The following DPP10 variants were observed in gnomAD, a reference collection of about 807,000 sequenced individuals.
DPP10 encodes inactive dipeptidyl peptidase 10.
A neutral mutation model predicts 120.9 loss-of-function variants in DPP10; 33 were observed. The observed-to-expected ratio is 0.27, with a 90% CI of 0.21 to 0.37. The LOEUF is 0.37. DPP10 is among the 10% of genes least tolerant of loss of function. DPP10 has a pLI of 1.00. For synonymous variants in DPP10, 337 were observed against 326.1 expected (o/e 1.03, Z -0.36); for missense variants, 816 against 942.8 (o/e 0.87, Z 1.76).
chr2:115,776,281 C>T (rs551281448), intron 13 of DPP10, among the ~76,000 whole-genome samples: 2 of 152,204 alleles, frequency 1.3e-5, no homozygotes, highest in South Asian at 2.1e-4. Context: ...AGGTATTTCT[C>T]CTAATGCTAT....
At chr2:115,727,976 A>ATAT (rs1559080904) in intron 8 of DPP10, 40 bp downstream of exon 8, 1 of 1,578,584 alleles carries the variant, frequency 6.3e-7, no homozygotes, top group Non-Finnish European at 8.6e-7. Context: ...AACAAATGAC[A>ATAT]TATTTTTATA....
chr2:114,715,632 G>T (rs1177884153), intron 1 of DPP10, among the ~76,000 whole-genome samples: 1 of 151,840 alleles, frequency 6.6e-6, no homozygotes, highest in Non-Finnish European at 1.5e-5. Context: ...TTTATTATTA[G>T]AATAAAGCTA....
intron 1 of DPP10, among the ~76,000 whole-genome samples, chr2:114,714,522 A>G (rs1266456237): frequency 6.6e-6 from 1 of 152,130 alleles, no homozygotes; most frequent in African/African-American, 2.4e-5. Flanking sequence ...ATGGCTCTAA[A>G]CGGAGAAAAG....
intron 1 of DPP10, among the ~76,000 whole-genome samples, chr2:114,696,451 A>T (rs1700072965): frequency 2.0e-5 from 3 of 152,168 alleles, no homozygotes; most frequent in Admixed American, 6.5e-5. Context: ...CACACCTTCC[A>T]TCCGTAAAGA....
intron 3 of DPP10, among the ~76,000 whole-genome samples, chr2:115,467,399 A>G (rs1448519351): frequency 2.0e-5 from 3 of 152,040 alleles, no homozygotes; most frequent in Non-Finnish European, 2.9e-5. Flanking sequence ...CAATATGGTG[A>G]AACCCCATCT....
At chr2:115,410,512 A>G (rs1310133363) in intron 3 of DPP10, among the ~76,000 whole-genome samples, 1 of 152,184 alleles carries the variant, frequency 6.6e-6, no homozygotes, top group Non-Finnish European at 1.5e-5. Flanking sequence ...AAGAACACCT[A>G]ATGGATGTTG....
intron 1 of DPP10, among the ~76,000 whole-genome samples, chr2:114,445,366 A>G (rs1558766229): frequency 6.6e-6 from 1 of 152,196 alleles, no homozygotes; most frequent in Non-Finnish European, 1.5e-5. Flanking sequence ...AGCTCAGTGT[A>G]ATAACCTCTA....
chr2:115,092,440 G>A (rs989060401), intron 1 of DPP10, among the ~76,000 whole-genome samples: 9 of 151,984 alleles, frequency 5.9e-5, no homozygotes, highest in Non-Finnish European at 1.0e-4. Context: ...CCCCATAAGC[G>A]TGTCTGTTTT....
intron 1 of DPP10, among the ~76,000 whole-genome samples, chr2:114,611,240 T>G (rs1320852582): frequency 6.6e-6 from 1 of 152,144 alleles, no homozygotes; most frequent in Non-Finnish European, 1.5e-5. Flanking sequence ...ATTTAAAAAT[T>G]TTCGTTTTAC....
chr2:115,703,779 A>T (rs2091987523), intron 7 of DPP10, among the ~76,000 whole-genome samples: 1 of 152,058 alleles, frequency 6.6e-6, no homozygotes, highest in South Asian at 2.1e-4. Context: ...CTATGGCCTA[A>T]CCAAGTTAAC....
intron 5 of DPP10, among the ~76,000 whole-genome samples, chr2:115,537,978 A>T (rs1464754567): frequency 2.6e-5 from 4 of 151,972 alleles, no homozygotes; most frequent in Admixed American, 2.0e-4. Flanking sequence ...TCGTCATGAG[A>T]GGGCTTAAGG....
chr2:114,681,434 T>C (rs556168748), intron 1 of DPP10, among the ~76,000 whole-genome samples: 2 of 151,966 alleles, frequency 1.3e-5, no homozygotes, highest in Non-Finnish European at 2.9e-5. Context: ...ACTCTTAAAA[T>C]AGCATTTATC....
chr2:114,522,142 G>A (rs1685119708), intron 1 of DPP10, among the ~76,000 whole-genome samples: 1 of 150,526 alleles, frequency 6.6e-6, no homozygotes, highest in South Asian at 2.1e-4. Context: ...ACTACACCCG[G>A]CTAATTTTTT....
At chr2:115,762,543 G>T in intron 11 of DPP10, 29 bp from the exon 12 acceptor site, 1 of 1,613,030 alleles carries the variant, frequency 6.2e-7, no homozygotes, top group Non-Finnish European at 8.5e-7. Flanking sequence ...GTCTTTAGAT[G>T]CTTCATGGAG....
At chr2:115,498,556 A>C (rs1021010828) in intron 3 of DPP10, among the ~76,000 whole-genome samples, 4 of 151,826 alleles carry the variant, frequency 2.6e-5, no homozygotes, top group African/African-American at 9.7e-5. Context: ...TCTTCCTAGA[A>C]TGAGCAGGAG....
At chr2:115,619,792 T>A (rs539902595) in intron 5 of DPP10, among the ~76,000 whole-genome samples, 1 of 152,224 alleles carries the variant, frequency 6.6e-6, no homozygotes, top group Non-Finnish European at 1.5e-5. Context: ...TCTTCTTTTG[T>A]AAACTCATGG....
chr2:115,794,071 GTAA>G (rs1684277976), intron 19 of DPP10, among the ~76,000 whole-genome samples: 2 of 152,050 alleles, frequency 1.3e-5, no homozygotes, highest in African/African-American at 4.8e-5. Context: ...CATTCTAAAA[GTAA>G]TAATAATTAT....
intron 2 of DPP10, among the ~76,000 whole-genome samples, chr2:115,332,418 G>A (rs76494216): frequency 0.78 from 119,158 of 151,998 alleles, 46,960 homozygotes; most frequent in Non-Finnish European, 0.83. Flanking sequence ...TTATATCTCT[G>A]TCTCCTTCAG....
intron 1 of DPP10, among the ~76,000 whole-genome samples, chr2:114,707,571 G>A (rs1468510196): frequency 3.9e-5 from 6 of 152,100 alleles, no homozygotes; most frequent in Non-Finnish European, 7.3e-5. Flanking sequence ...GGAAATAACC[G>A]TGCATCACTT....
Sources: allele counts gnomAD v4.1 joint callset (sites outside exome capture counted in the v4.1 genomes callset), GRCh38; gene constraint gnomAD v4.1.1; transcripts MANE v1.5; gene names NCBI Gene and HGNC (gene_info 2026-07-23, HGNC 2026-07-21).